Variants in OTOGL observed in about 807,000 individuals in gnomAD.
OTOGL encodes the protein otogelin-like protein.
Under a neutral mutation model 318.5 loss-of-function variants are expected in OTOGL, and 285 were observed. The ratio of observed to expected loss-of-function variants is 0.89; its 90% CI spans 0.81 to 0.99. The LOEUF (loss-of-function observed/expected upper bound fraction) is 0.99, where lower values mean the gene tolerates loss of function less well. Among genes scored for constraint, OTOGL ranks in the 50% least tolerant of loss-of-function variants. The probability of loss-of-function intolerance (pLI) is 0.00; values close to 1 mark genes in which losing one functional copy is unlikely to be tolerated. For synonymous variants in OTOGL, 987 were observed against 936.5 expected, an observed-to-expected ratio of 1.05 and a Z score of -0.99; for missense variants, 2,899 against 2,845.6, an observed-to-expected ratio of 1.02 and a Z score of -0.43.
intron 1 of OTOGL, among the ~76,000 whole-genome samples, chr12:80,129,203 T>G (rs1592476431): frequency 6.6e-6 from 1 of 152,322 alleles, no homozygotes; most frequent in Middle Eastern, 3.4e-3. Flanking sequence ...ACTCTGGATT[T>G]TATAAAGCAA....
intron 29 of OTOGL, among the ~76,000 whole-genome samples, chr12:80,308,584 C>T (rs1207351258): frequency 2.0e-5 from 3 of 152,144 alleles, no homozygotes; most frequent in East Asian, 1.9e-4. Flanking sequence ...GCAGAGGCTG[C>T]AATCTCGGCA....
intron 19 of OTOGL, among the ~76,000 whole-genome samples, chr12:80,264,177 G>C (rs1439195916): frequency 3.3e-5 from 5 of 151,978 alleles, no homozygotes; most frequent in African/African-American, 9.7e-5. Flanking sequence ...AGGAAAACTA[G>C]GTCCACGATA....
chr12:80,256,496 TCAAA>T (rs59551371), intron 17 of OTOGL, 36 bp downstream of exon 17: 545 of 1,391,760 alleles, frequency 3.9e-4, no homozygotes, highest in African/African-American at 6.2e-4. Context: ...TTTCTTTACA[TCAAA>T]CAAACAAACA....
At chr12:80,205,511 T>C (rs1037520322) in intron 1 of OTOGL, among the ~76,000 whole-genome samples, 7 of 152,158 alleles carry the variant, frequency 4.6e-5, no homozygotes, top group African/African-American at 1.7e-4. Context: ...TAAAATTATA[T>C]GAAACATCCC....
At chr12:80,156,744 C>G (rs181546616) in intron 1 of OTOGL, among the ~76,000 whole-genome samples, 1 of 152,214 alleles carries the variant, frequency 6.6e-6, no homozygotes, top group Admixed American at 6.5e-5. Context: ...GTAAGGCCTC[C>G]CCAGGCATGT....
At chr12:80,228,315 G>A (rs904182548) in intron 7 of OTOGL, among the ~76,000 whole-genome samples, 1 of 151,834 alleles carries the variant, frequency 6.6e-6, no homozygotes, top group Admixed American at 6.6e-5. Flanking sequence ...GGTGGTACAC[G>A]CCTATAGCCC....
chr12:80,290,222 C>T (rs1884948241), intron 26 of OTOGL, among the ~76,000 whole-genome samples: 1 of 152,102 alleles, frequency 6.6e-6, no homozygotes, highest in African/African-American at 2.4e-5. Context: ...GGGCTGCACC[C>T]ACTCTCTAAC....
chr12:80,170,558 T>A (rs1174228291), intron 1 of OTOGL, among the ~76,000 whole-genome samples: 4 of 152,102 alleles, frequency 2.6e-5, no homozygotes, highest in Admixed American at 2.0e-4. Flanking sequence ...CTCAGCCTCC[T>A]GAGTATCTGA....
At chr12:80,127,689 G>T (rs1266922074) in intron 1 of OTOGL, among the ~76,000 whole-genome samples, 1 of 152,210 alleles carries the variant, frequency 6.6e-6, no homozygotes, top group Non-Finnish European at 1.5e-5. Flanking sequence ...ATCAGATGTA[G>T]ATTTGGTCTT....
Position 80,320,658 on chromosome 12 carries a change from G to A in OTOGL, c.4039G>A (p.Asp1347Asn). ...TAGTGTCAAAGCATCAAAATATGAT[G>A]ATTCTGAAGAATTTAAACATTCAAG... ...DSSVKASKYD[D>N]SEEFKHSSSF... is the part of the protein sequence containing the mutation. Residue 1347 changes from aspartate (D) to asparagine (N), a missense_variant, in exon 34 of 59, where the codon GAT (aspartate) becomes AAT (asparagine). By Grantham distance (23) the Asp-to-Asn change is conservative. Transcript: ENST00000547103. 6.2e-7 allele frequency: 1 copy of A among 1,607,664 alleles called. No homozygotes were observed. The highest frequency in any genetic ancestry group is 8.5e-7 in the Non-Finnish European group (1 of 1,176,700).
intron 11 of OTOGL, among the ~76,000 whole-genome samples, chr12:80,244,945 T>G (rs1880739078): frequency 6.7e-6 from 1 of 148,656 alleles, no homozygotes; most frequent in African/African-American, 2.6e-5. Flanking sequence ...TCATGTGTTT[T>G]TTGGCTGCAT....
intron 29 of OTOGL, among the ~76,000 whole-genome samples, chr12:80,307,507 G>C (rs1234560716): frequency 1.4e-5 from 2 of 148,128 alleles, no homozygotes; most frequent in African/African-American, 2.5e-5. Context: ...TCCCAGTAGG[G>C]GCGGCCGGGC....
chr12:80,278,136 T>TACTA, intron 24 of OTOGL, 32 bp from the exon 25 acceptor site: 1 of 1,470,314 alleles, frequency 6.8e-7, no homozygotes, highest in Non-Finnish European at 9.3e-7. Flanking sequence ...CTGTAGTTCA[T>TACTA]ACTAAATAGC....
At chr12:80,173,172 C>CT (rs201331492) in intron 1 of OTOGL, among the ~76,000 whole-genome samples, 3,870 of 145,724 alleles carry the variant, frequency 0.027, 43 homozygotes, top group Non-Finnish European at 0.036. Flanking sequence ...ATTCATATGC[C>CT]TTTTTTTTTT....
intron 1 of OTOGL, among the ~76,000 whole-genome samples, chr12:80,154,344 G>T (rs965624689): frequency 6.6e-6 from 1 of 152,086 alleles, no homozygotes; most frequent in Non-Finnish European, 1.5e-5. Context: ...ACTATTTCTT[G>T]TAAATGCCCA....
intron 26 of OTOGL, among the ~76,000 whole-genome samples, chr12:80,286,171 A>G (rs1234407404): frequency 2.0e-5 from 3 of 152,158 alleles, no homozygotes; most frequent in Admixed American, 6.6e-5. Flanking sequence ...GTGATGGATT[A>G]GATTTATTGA....
chr12:80,369,318 T>C (rs1890740782), intron 55 of OTOGL, among the ~76,000 whole-genome samples: 3 of 152,124 alleles, frequency 2.0e-5, no homozygotes. Context: ...TTTCCCAAAC[T>C]GTCTTCATTA....
chr12:80,243,852 C>CAT (rs771780739), intron 11 of OTOGL, among the ~76,000 whole-genome samples: 18,165 of 142,686 alleles, frequency 0.13, 1,244 homozygotes, highest in Middle Eastern at 0.2. Context: ...ATCATATATA[C>CAT]ATATATATAT....
At chr12:80,362,466 C>T (rs977305882) in intron 52 of OTOGL, among the ~76,000 whole-genome samples, 3 of 151,952 alleles carry the variant, frequency 2.0e-5, no homozygotes, top group Non-Finnish European at 4.4e-5. Flanking sequence ...TATTTGGTGT[C>T]TTTTGTGGTT....
Sources: gnomAD v4.1 joint callset for allele counts (sites outside exome capture counted in the v4.1 genomes callset) on GRCh38, gnomAD v4.1.1 for gene constraint, MANE v1.5 for transcripts, NCBI Gene and HGNC (gene_info 2026-07-23, HGNC 2026-07-21) for gene names.